Variants in CWC27 observed in about 807,000 individuals in gnomAD.
CWC27 encodes the protein spliceosome-associated protein CWC27 homolog.
CWC27 carries 47 observed loss-of-function variants against 63.6 expected under a neutral mutation model. The observed-to-expected ratio is 0.74, with a 90% CI of 0.58 to 0.94. The LOEUF (loss-of-function observed/expected upper bound fraction) is 0.94. CWC27 is among the 40% of genes least tolerant of loss of function. CWC27 has a pLI of 0.00. For missense variants in CWC27, 495 were observed against 554.3 expected, an observed-to-expected ratio of 0.89 and a Z score of 1.07; for synonymous variants, 175 against 179.8, an observed-to-expected ratio of 0.97 and a Z score of 0.22.
At chr5:64,995,964 G>C (rs183464451) in intron 13 of CWC27, among the ~76,000 whole-genome samples, 266 of 152,314 alleles carry the variant, frequency 1.7e-3, no homozygotes, top group African/African-American at 6.1e-3. Context: ...CCAGTGCCAA[G>C]AAGGAAATAA....
chr5:64,864,177 A>G (rs1401113887), intron 10 of CWC27, among the ~76,000 whole-genome samples: 2 of 152,180 alleles, frequency 1.3e-5, no homozygotes, highest in South Asian at 2.1e-4. Context: ...TTTATCTTTT[A>G]TGAGTATTAT....
intron 11 of CWC27, among the ~76,000 whole-genome samples, chr5:64,909,195 A>C (rs1475467956): frequency 6.6e-6 from 1 of 152,148 alleles, no homozygotes; most frequent in Non-Finnish European, 1.5e-5. Context: ...TTTCTTTAAG[A>C]ATATTGAATA....
chr5:64,994,617 ACCCCAGAACATTCC>A (rs1372694865), intron 13 of CWC27, among the ~76,000 whole-genome samples: 1 of 152,126 alleles, frequency 6.6e-6, no homozygotes, highest in East Asian at 1.9e-4. Context: ...CATTTACATC[ACCCCAGAACATTCC>A]CCCCATTCCC....
At chr5:64,879,236 T>C (rs1298868689) in intron 10 of CWC27, among the ~76,000 whole-genome samples, 2 of 152,034 alleles carry the variant, frequency 1.3e-5, no homozygotes, top group Non-Finnish European at 2.9e-5. Flanking sequence ...GCTAACATTA[T>C]CAATCTCACT....
chr5:65,007,863 C>T (rs1749878763), intron 13 of CWC27, among the ~76,000 whole-genome samples: 1 of 152,054 alleles, frequency 6.6e-6, no homozygotes, highest in African/African-American at 2.4e-5. Flanking sequence ...CTCCTGACCT[C>T]GTGATCCGCC....
chr5:64,772,624 CAAAAAAAAAAA>C (rs58675990), intron 1 of CWC27, among the ~76,000 whole-genome samples: 32 of 52,142 alleles, frequency 6.1e-4, no homozygotes, highest in Non-Finnish European at 8.7e-4. Flanking sequence ...GACTCTGTCT[CAAAAAAAAAAA>C]AAAAAAAAAA....
intron 10 of CWC27, among the ~76,000 whole-genome samples, chr5:64,852,835 A>C (rs1746169366): frequency 6.6e-6 from 1 of 152,068 alleles, no homozygotes; most frequent in African/African-American, 2.4e-5. Flanking sequence ...ATAAAAGCAA[A>C]CCCAAACATA....
At chr5:64,995,995 T>C (rs550231540) in intron 13 of CWC27, among the ~76,000 whole-genome samples, 130 of 152,278 alleles carry the variant, frequency 8.5e-4, no homozygotes, top group Middle Eastern at 6.8e-3. Context: ...GACAAACCCT[T>C]CAAAGTAATG....
chr5:64,775,019 G>T (rs1312832737), intron 2 of CWC27, among the ~76,000 whole-genome samples: 1 of 152,152 alleles, frequency 6.6e-6, no homozygotes, highest in Non-Finnish European at 1.5e-5. Flanking sequence ...ATAATACTGT[G>T]ATCCTCTTTG....
At chr5:65,003,285 G>T (rs1580775880) in intron 13 of CWC27, among the ~76,000 whole-genome samples, 1 of 152,158 alleles carries the variant, frequency 6.6e-6, no homozygotes, top group East Asian at 1.9e-4. Flanking sequence ...TTACATTTGA[G>T]ATTATTATTG....
At chr5:64,935,903 C>T (rs1237410538) in intron 11 of CWC27, among the ~76,000 whole-genome samples, 1 of 152,058 alleles carries the variant, frequency 6.6e-6, no homozygotes, top group East Asian at 1.9e-4. Context: ...CTCTGTTTGT[C>T]TATTATTGAT....
intron 13 of CWC27, among the ~76,000 whole-genome samples, chr5:64,986,301 C>T (rs1470547353): frequency 6.6e-6 from 1 of 152,198 alleles, no homozygotes; most frequent in Admixed American, 6.5e-5. Flanking sequence ...ATTTTACATT[C>T]CCACCAGCAA....
At chr5:64,788,871 C>A in intron 6 of CWC27, 80 bp from the exon 7 acceptor site, 1 of 907,572 alleles carries the variant, frequency 1.1e-6, no homozygotes, top group Non-Finnish European at 1.7e-6. Flanking sequence ...ATTCTGTTCT[C>A]TTGCTCTGAA....
chr5:64,977,137 C>T lies in CWC27; in HGVS notation c.1155C>T (p.Thr385=), dbSNP rs1172418212. 6 of 1,596,662 alleles carry T rather than the reference C, an allele frequency of 3.8e-6. No homozygotes were observed. The highest frequency in any genetic ancestry group is 1.7e-4 in the Middle Eastern group (1 of 6,034). ...TAGCAGTCTAATTGTTATTTCAGAC[C>T]CTTGCACTGCTGAACCAGTTTAAAT... The part of the protein sequence containing the change: ...SKKGTSREDQ[T]LALLNQFKSK... Residue 385 remains threonine, a splice_region_variant and synonymous_variant, in exon 13 of 14, where the codon ACC becomes ACT. Transcript: ENST00000381070.
chr5:64,919,726 T>G (rs1405172614), intron 11 of CWC27, among the ~76,000 whole-genome samples: 1 of 152,232 alleles, frequency 6.6e-6, no homozygotes, highest in African/African-American at 2.4e-5. Flanking sequence ...TTGGTGTCTA[T>G]GTACCACACT....
intron 10 of CWC27, among the ~76,000 whole-genome samples, chr5:64,857,031 T>C (rs1430521084): frequency 6.6e-6 from 1 of 152,190 alleles, no homozygotes; most frequent in Admixed American, 6.5e-5. Context: ...GTTTACTGCA[T>C]CTTCTAGCCC....
Position 64,874,619 on chromosome 5 carries a change from A to G in CWC27, c.939-10824A>G, listed in dbSNP as rs117669318. Among the ~76,000 whole-genome samples, 305 of 152,098 alleles carry G rather than the reference A, an allele frequency of 2.0e-3. 8 individuals are homozygous for G. In the East Asian group the frequency reaches 0.053, roughly 26 times the overall value. On this transcript the variant is annotated intron_variant, in intron 10 of 13. Transcript: ENST00000381070. ...GTAGCTGGAGTTACAGACACGCACC[A>G]CCATGCCTGTGATTGTTAAAATCTC... is the stretch of plus-strand genomic sequence containing the variant.
chr5:64,847,006 A>AG (rs1554072336), intron 10 of CWC27, among the ~76,000 whole-genome samples: 4 of 151,332 alleles, frequency 2.6e-5, no homozygotes, highest in African/African-American at 4.9e-5. Flanking sequence ...AAAAAAAAAA[A>AG]AAAAAGAAAA....
chr5:64,944,744 G>A (rs578060362), intron 11 of CWC27, among the ~76,000 whole-genome samples: 9 of 152,112 alleles, frequency 5.9e-5, no homozygotes, highest in Admixed American at 2.0e-4. Flanking sequence ...ATCATCTCCC[G>A]TGTAGATTAG....
Sources: allele counts gnomAD v4.1 joint callset (sites outside exome capture counted in the v4.1 genomes callset), GRCh38; gene constraint gnomAD v4.1.1; transcripts MANE v1.5; gene names NCBI Gene and HGNC (gene_info 2026-07-23, HGNC 2026-07-21).